MLLT3: variants seen among roughly 807,000 people sequenced by gnomAD.
MLLT3 encodes MLLT3 super elongation complex subunit, also known as protein AF-9.
MLLT3 carries 4 observed loss-of-function variants against 53.2 expected under a neutral mutation model. The observed-to-expected ratio is 0.08, with a 90% CI of 0.04 to 0.17. MLLT3 has a LOEUF of 0.17. MLLT3 is among the 10% of genes least tolerant of loss of function. The pLI, the probability that MLLT3 is intolerant of heterozygous loss-of-function variation, is 1.00. For synonymous variants in MLLT3, 283 were observed against 230.6 expected, an observed-to-expected ratio of 1.23 and a Z score of -2.06; for missense variants, 569 against 684.0, an observed-to-expected ratio of 0.83 and a Z score of 1.87.
intron 2 of MLLT3, among the ~76,000 whole-genome samples, chr9:20,571,828 T>C (rs950918750): frequency 1.3e-5 from 2 of 152,220 alleles, no homozygotes; most frequent in African/African-American, 4.8e-5. Flanking sequence ...CAATAAGATA[T>C]CATTTCACTT....
chr9:20,415,395 T>C (rs1317443716), intron 4 of MLLT3: 2 of 838,796 alleles, frequency 2.4e-6, no homozygotes, highest in East Asian at 1.2e-4. Flanking sequence ...AACCTATATA[T>C]AATCTTTCTG....
At chr9:20,483,151 C>G (rs1163754706) in intron 2 of MLLT3, among the ~76,000 whole-genome samples, 1 of 152,110 alleles carries the variant, frequency 6.6e-6, no homozygotes, top group Non-Finnish European at 1.5e-5. Flanking sequence ...ATCCCACACC[C>G]AGTAATCCAT....
At chr9:20,536,335 T>C (rs1325265373) in intron 2 of MLLT3, among the ~76,000 whole-genome samples, 1 of 152,180 alleles carries the variant, frequency 6.6e-6, no homozygotes, top group Non-Finnish European at 1.5e-5. Flanking sequence ...TGAGCAAGTG[T>C]CCAGGGTTTT....
chr9:20,412,437 C>T (rs1822752812), intron 5 of MLLT3, among the ~76,000 whole-genome samples: 1 of 152,172 alleles, frequency 6.6e-6, no homozygotes, highest in African/African-American at 2.4e-5. Flanking sequence ...ATCTGATCTT[C>T]TACCAAAATT....
At chr9:20,444,544 C>T (rs1355230419) in intron 4 of MLLT3, among the ~76,000 whole-genome samples, 1 of 151,990 alleles carries the variant, frequency 6.6e-6, no homozygotes, top group Non-Finnish European at 1.5e-5. Context: ...TGTTCTTTCT[C>T]ATTTCATAAC....
chr9:20,516,527 A>G (rs1329041819), intron 2 of MLLT3, among the ~76,000 whole-genome samples: 3 of 152,244 alleles, frequency 2.0e-5, no homozygotes, highest in Admixed American at 6.5e-5. Flanking sequence ...GTATTAAATA[A>G]CTGTCATGCC....
chr9:20,400,841 T>C (rs549379069), intron 5 of MLLT3, among the ~76,000 whole-genome samples: 19 of 152,302 alleles, frequency 1.2e-4, no homozygotes, highest in Admixed American at 4.6e-4. Flanking sequence ...GAAGATAATA[T>C]TTTGAAAGTG....
At chr9:20,528,657 C>G (rs1040831845) in intron 2 of MLLT3, among the ~76,000 whole-genome samples, 1 of 152,198 alleles carries the variant, frequency 6.6e-6, no homozygotes, top group Non-Finnish European at 1.5e-5. Flanking sequence ...CTTCACAGTG[C>G]CTTCGCCTCT....
Position 20,438,761 on chromosome 9 carries a change from G to A in MLLT3, c.420+9362C>T, listed in dbSNP as rs375046783. ...CCCAAAGACACAATGGTCACCATAC[G>A]CATGGACTTCTGTCTATATTACCCA... is the stretch of plus-strand genomic sequence containing the variant. On this transcript the variant is annotated intron_variant, in intron 4 of 10. Coordinates refer to ENST00000380338, the MANE Select transcript of MLLT3 (RefSeq NM_004529.4). Among the ~76,000 whole-genome samples, 16 of 152,078 alleles carry A rather than the reference G, an allele frequency of 1.1e-4. No individual in the cohort carries two copies. In the East Asian group the frequency reaches 1.2e-3, roughly 11 times the overall value.
At chr9:20,505,926 T>TA (rs1344447840) in intron 2 of MLLT3, among the ~76,000 whole-genome samples, 1 of 152,214 alleles carries the variant, frequency 6.6e-6, no homozygotes, top group Non-Finnish European at 1.5e-5. Flanking sequence ...TTACGTGAGC[T>TA]AAAATGTCCT....
At chr9:20,599,977 T>G (rs1017131406) in intron 2 of MLLT3, among the ~76,000 whole-genome samples, 8 of 151,856 alleles carry the variant, frequency 5.3e-5, no homozygotes, top group African/African-American at 1.9e-4. Context: ...ACCCAGTGAG[T>G]TCAGAAATTG....
chr9:20,529,166 A>C (rs1818268825), intron 2 of MLLT3, among the ~76,000 whole-genome samples: 1 of 152,186 alleles, frequency 6.6e-6, no homozygotes, highest in African/African-American at 2.4e-5. Context: ...TATGCAGCCT[A>C]GGTTTGGTTG....
rs141515279 is a variant in MLLT3, at chr9:20,596,894, C to G, written c.193+23760G>C. On this transcript the variant is annotated intron_variant, in intron 2 of 10. Coordinates refer to ENST00000380338, the MANE Select transcript of MLLT3 (RefSeq NM_004529.4). ...AAGCAATTTGGGGGAGTATTGCCAT[C>G]GTAATATTAAGTCTCCCAATCCATG... Among the ~76,000 whole-genome samples, 27 of 152,056 alleles carry G rather than the reference C, an allele frequency of 1.8e-4. No homozygotes were observed. The East Asian group carries it at 4.4e-3, about 25-fold the overall frequency.
chr9:20,393,232 T>C (rs999512358), intron 5 of MLLT3, among the ~76,000 whole-genome samples: 1 of 152,126 alleles, frequency 6.6e-6, no homozygotes. Context: ...AAATTAGGAT[T>C]GTTAGGTATA....
At chr9:20,566,002 A>G (rs1201070849) in intron 2 of MLLT3, among the ~76,000 whole-genome samples, 1 of 129,234 alleles carries the variant, frequency 7.7e-6, no homozygotes, top group African/African-American at 3.0e-5. Flanking sequence ...ATATTTATTT[A>G]TATATATATT....
rs1056120098 is a variant in MLLT3, at chr9:20,621,216, G to A, written c.13-382C>T. 6.6e-6 allele frequency among the ~76,000 whole-genome samples: 1 copy of A among 152,200 alleles called. No individual in the cohort carries two copies. Among genetic ancestry groups the A allele is most frequent in the Admixed American group, 6.5e-5 (1 of 15,288 alleles). ...GGCGGTTTCCCGGCGTGGGAGGGGA[G>A]GTGGCTGGGACCCAGGGGGACCGAA... On this transcript the variant is annotated intron_variant, in intron 1 of 10. Transcript: ENST00000380338. This position sits in a 1 kb window ranked among gnomAD's most constrained non-coding sequence, Gnocchi z 7.0.
intron 5 of MLLT3, among the ~76,000 whole-genome samples, chr9:20,388,953 A>T (rs1367200881): frequency 6.6e-6 from 1 of 152,240 alleles, no homozygotes; most frequent in Admixed American, 6.5e-5. Context: ...ATAGAAAATT[A>T]CATGAACAAG....
chr9:20,620,057 A>T lies in MLLT3; in HGVS notation c.193+597T>A, dbSNP rs1820953564. On this transcript the variant is annotated intron_variant, in intron 2 of 10. Coordinates refer to ENST00000380338, the MANE Select transcript of MLLT3 (RefSeq NM_004529.4). This position sits in a 1 kb window ranked among gnomAD's most constrained non-coding sequence, Gnocchi z 6.1. ...GAGTAAGCCCCCCAAGTAAACATAA[A>T]ATCCAGACTGGAGTGGGTGTGGCGG... Among the ~76,000 whole-genome samples the T allele has an allele frequency of 6.6e-6, 1 of 151,910 alleles. No individual in the cohort carries two copies. Among genetic ancestry groups the T allele is most frequent in the South Asian group, 2.1e-4 (1 of 4,820 alleles).
chr9:20,486,602 G>C (rs912160149), intron 2 of MLLT3, among the ~76,000 whole-genome samples: 2 of 152,092 alleles, frequency 1.3e-5, no homozygotes, highest in East Asian at 1.9e-4. Flanking sequence ...TGAAAGATTA[G>C]CGAAAGTTTT....
Sources: allele counts gnomAD v4.1 joint callset (sites outside exome capture counted in the v4.1 genomes callset), GRCh38; gene constraint gnomAD v4.1.1; non-coding constraint Gnocchi (gnomAD v3.1); transcripts MANE v1.5; gene names NCBI Gene and HGNC (gene_info 2026-07-23, HGNC 2026-07-21).